Variants in ACBD6 observed in about 807,000 individuals in gnomAD.
ACBD6 encodes the protein acyl-CoA binding domain containing 6.
A neutral mutation model predicts 37.2 loss-of-function variants in ACBD6; 28 were observed. The observed-to-expected ratio is 0.75, with a 90% confidence interval of 0.56 to 1.03. ACBD6 has a LOEUF of 1.03. Ranked by LOEUF, ACBD6 falls within the 50% of genes least tolerant of loss-of-function variation. The pLI is 0.00. For synonymous variants in ACBD6, 113 were observed against 126.8 expected, an observed-to-expected ratio of 0.89 and a Z score of 0.73; for missense variants, 340 against 337.4, an observed-to-expected ratio of 1.01 and a Z score of -0.06.
chr1:180,277,880 G>GC (rs1044859976), intron 9 of ACBD6: 5 of 149,874 alleles, frequency 3.3e-5, no homozygotes, highest in East Asian at 2.0e-4. Flanking sequence ...CTTTTTTTGG[G>GC]GGGGGGCAGT....
intron 6 of ACBD6, among the ~76,000 whole-genome samples, chr1:180,359,484 C>T (rs1051965954): frequency 2.3e-4 from 35 of 151,876 alleles, no homozygotes; most frequent in African/African-American, 6.0e-4. Context: ...TAAAGTGTCA[C>T]GCAAATATAA....
chr1:180,321,761 G>A (rs1052675804), intron 6 of ACBD6, among the ~76,000 whole-genome samples: 38 of 152,092 alleles, frequency 2.5e-4, no homozygotes, highest in African/African-American at 3.6e-4. Flanking sequence ...ATTGTTTTAC[G>A]GTGGAGTCTT....
chr1:180,381,973 G>C (rs1231810883), intron 6 of ACBD6, among the ~76,000 whole-genome samples: 8 of 151,950 alleles, frequency 5.3e-5, no homozygotes, highest in Admixed American at 3.3e-4. Context: ...GCTGGGCGTG[G>C]TGGTGCATGC....
downstream of ACBD6, among the ~76,000 whole-genome samples, chr1:180,284,272 T>C (rs551293415): frequency 1.3e-5 from 2 of 152,346 alleles, no homozygotes; most frequent in Admixed American, 1.3e-4. Flanking sequence ...TGTGAATGAT[T>C]ACTAAAGTAA....
chr1:180,318,412 T>A (rs1234769259), intron 6 of ACBD6, among the ~76,000 whole-genome samples: 1 of 152,202 alleles, frequency 6.6e-6, no homozygotes, highest in Non-Finnish European at 1.5e-5. Flanking sequence ...TTTGTTGTGC[T>A]GGCTGACACC....
chr1:180,337,393 T>C lies in ACBD6; in HGVS notation c.664-22671A>G, dbSNP rs372025597. Among the ~76,000 whole-genome samples the C allele has an allele frequency of 4.0e-5, 6 of 150,358 alleles. No homozygotes were observed. In the South Asian group the frequency reaches 1.1e-3, roughly 27 times the overall value. ...TAATCCAGCATATAAACAGAACCAA[T>C]GACAAAAACCACATGATTATCTCAA... On this transcript the variant is annotated intron_variant, in intron 6 of 7. Transcript: ENST00000367595.
intron 4 of ACBD6, among the ~76,000 whole-genome samples, chr1:180,421,661 CTGT>C (rs1393236262): frequency 6.6e-6 from 1 of 152,126 alleles, no homozygotes; most frequent in Non-Finnish European, 1.5e-5. Flanking sequence ...TCACCAGAAT[CTGT>C]TGTTTTTTGA....
At chr1:180,484,763 G>A (rs1046053819) in intron 3 of ACBD6, among the ~76,000 whole-genome samples, 4 of 152,082 alleles carry the variant, frequency 2.6e-5, no homozygotes, top group African/African-American at 9.7e-5. Flanking sequence ...ATGTATGCAT[G>A]TATATACAAA....
chr1:180,327,751 T>A (rs1236670840), intron 6 of ACBD6, among the ~76,000 whole-genome samples: 2 of 152,244 alleles, frequency 1.3e-5, no homozygotes, highest in Non-Finnish European at 2.9e-5. Context: ...GATAATACAA[T>A]GAAGGTCTAA....
intron 9 of ACBD6, chr1:180,278,390 A>ACTGTT (rs1228900735): frequency 2.0e-5 from 3 of 152,122 alleles, no homozygotes; most frequent in African/African-American, 4.8e-5. Context: ...AGTTGCTCCA[A>ACTGTT]CTGTTCTAAA....
In ACBD6 at chr1:180,502,403, C is replaced by G; in HGVS notation, c.-137G>C. 1.1e-6 allele frequency: 1 copy of G among 935,890 alleles called. No individual in the cohort carries two copies. Among genetic ancestry groups the G allele is most frequent in the South Asian group, 1.4e-5 (1 of 71,074 alleles). The allele number at this position is 935,890 out of a possible 1,614,324, so 58.0% of individuals were successfully genotyped here. A position where few individuals can be genotyped will look rare whatever the true frequency, so the allele number is the denominator to read the frequency against. On this transcript the variant is annotated 5_prime_UTR_variant, in exon 1 of 8. Transcript: ENST00000367595. ...CGGACCCAAGCTCAGTCGCGGCGCG[C>G]TCCCTCACGTGACCCTGCTCCCTGC...
chr1:180,445,199 C>T (rs1176314507), intron 3 of ACBD6, among the ~76,000 whole-genome samples: 3 of 151,962 alleles, frequency 2.0e-5, no homozygotes, highest in African/African-American at 4.8e-5. Context: ...TTATTATTGC[C>T]CAAAACATGG....
At chr1:180,487,836 A>G (rs996364220) in intron 3 of ACBD6, among the ~76,000 whole-genome samples, 4 of 152,182 alleles carry the variant, frequency 2.6e-5, no homozygotes, top group Admixed American at 2.0e-4. Context: ...TAATGCAACA[A>G]AAGTACTCAG....
In ACBD6 at chr1:180,312,434, T is replaced by C. The variant is rs766097354; in HGVS notation, c.694+2258A>G. On this transcript the variant is annotated intron_variant, in intron 7 of 7. Transcript: ENST00000367595. Reference sequence around the variant, plus strand: ...CATTCAGCATCCCTGCTAAATTGTATAGTTTTTATAATTTGTAGAGTTTCT... The same window carrying C: ...CATTCAGCATCCCTGCTAAATTGTACAGTTTTTATAATTTGTAGAGTTTCT... 1.2e-4 allele frequency among the ~76,000 whole-genome samples: 19 copies of C among 152,290 alleles called. No individual in the cohort carries two copies. In the East Asian group the frequency reaches 1.3e-3, roughly 11 times the overall value.
intron 6 of ACBD6, among the ~76,000 whole-genome samples, chr1:180,319,562 T>C (rs898080880): frequency 1.3e-5 from 2 of 152,210 alleles, no homozygotes; most frequent in Admixed American, 6.5e-5. Flanking sequence ...TTATTGACCA[T>C]AGTCACCCTG....
At chr1:180,347,065 G>A (rs1320852788) in intron 6 of ACBD6, among the ~76,000 whole-genome samples, 1 of 151,584 alleles carries the variant, frequency 6.6e-6, no homozygotes, top group African/African-American at 2.4e-5. Flanking sequence ...AATGAAAAAC[G>A]AAAAAAATCC....
intron 8 of ACBD6, among the ~76,000 whole-genome samples, chr1:180,282,352 C>CA (rs951821636): frequency 4.6e-5 from 7 of 151,894 alleles, no homozygotes; most frequent in Admixed American, 4.6e-4. Flanking sequence ...AATATAGACC[C>CA]AAAAAAGTGG....
At chr1:180,417,909 C>T (rs912967516) in intron 4 of ACBD6, among the ~76,000 whole-genome samples, 25 of 152,016 alleles carry the variant, frequency 1.6e-4, no homozygotes, top group Admixed American at 1.4e-3. Context: ...GGATGTATGG[C>T]CAGAAGTTGT....
At chr1:180,372,854 G>T (rs374935418) in intron 6 of ACBD6, among the ~76,000 whole-genome samples, 222 of 152,142 alleles carry the variant, frequency 1.5e-3, no homozygotes, top group African/African-American at 5.1e-3. Flanking sequence ...CAAGACCTCT[G>T]GCCAGTGTCA....
Sources: allele counts gnomAD v4.1 joint callset (sites outside exome capture counted in the v4.1 genomes callset), GRCh38; gene constraint gnomAD v4.1.1; transcripts MANE v1.5; gene names NCBI Gene and HGNC (gene_info 2026-07-23, HGNC 2026-07-21).